The following KAT6B variants were observed in gnomAD, a reference collection of about 807,000 sequenced individuals.
KAT6B encodes the protein lysine acetyltransferase 6B.
A neutral mutation model predicts 187.5 loss-of-function variants in KAT6B; 10 were observed. The observed-to-expected ratio is 0.05, with a 90% CI of 0.03 to 0.09. KAT6B has a LOEUF of 0.09. KAT6B is among the 10% of genes least tolerant of loss of function. KAT6B has a pLI of 1.00. For missense variants in KAT6B, 1,952 were observed against 2,558.9 expected (o/e 0.76, Z 5.12); for synonymous variants, 861 against 926.8 (o/e 0.93, Z 1.29).
chr10:74,834,413 G>A (rs1213717135), intron 1 of KAT6B, among the ~76,000 whole-genome samples: 1 of 152,136 alleles, frequency 6.6e-6, no homozygotes, highest in African/African-American at 2.4e-5. Flanking sequence ...GGCCAGGATG[G>A]TCTCAATCTC....
intron 3 of KAT6B, among the ~76,000 whole-genome samples, chr10:74,952,846 A>ATTTTT (rs34687036): frequency 1.9e-3 from 171 of 90,470 alleles, no homozygotes; most frequent in African/African-American, 4.9e-3. Flanking sequence ...TGCCTGGCTA[A>ATTTTT]TTTTTTTTTT....
intron 3 of KAT6B, among the ~76,000 whole-genome samples, chr10:74,917,984 CAT>C (rs1170223441): frequency 6.6e-6 from 1 of 152,138 alleles, no homozygotes; most frequent in African/African-American, 2.4e-5. Flanking sequence ...AATATATCCT[CAT>C]ATTTGTAGGG....
chr10:74,899,317 C>T (rs1200822934), intron 3 of KAT6B, among the ~76,000 whole-genome samples: 1 of 149,196 alleles, frequency 6.7e-6, no homozygotes, highest in Admixed American at 6.7e-5. Context: ...TCTTGTCAGT[C>T]AGGCTAGAAT....
intron 3 of KAT6B, among the ~76,000 whole-genome samples, chr10:74,847,154 C>T (rs1179228759): frequency 2.6e-5 from 4 of 152,114 alleles, no homozygotes; most frequent in Non-Finnish European, 5.9e-5. Context: ...GCTTAGCAGG[C>T]AATTGTTACT....
chr10:74,862,121 G>T (rs1483354820), intron 3 of KAT6B, among the ~76,000 whole-genome samples: 3 of 152,180 alleles, frequency 2.0e-5, no homozygotes, highest in Non-Finnish European at 4.4e-5. Flanking sequence ...CTTGGAGTTT[G>T]TCCTTCAGAA....
chr10:74,928,237 T>C (rs1261523687), intron 3 of KAT6B, among the ~76,000 whole-genome samples: 1 of 152,224 alleles, frequency 6.6e-6, no homozygotes, highest in Non-Finnish European at 1.5e-5. Context: ...TTTTTCTTTC[T>C]CTGGTTAAAA....
chr10:74,978,963 C>T (rs1025876597), intron 9 of KAT6B, among the ~76,000 whole-genome samples: 7 of 152,060 alleles, frequency 4.6e-5, no homozygotes, highest in Admixed American at 1.3e-4. Context: ...TTAGGGTATT[C>T]GTTTGCTGTG....
At chr10:74,978,638 C>T (rs549522102) in intron 9 of KAT6B, among the ~76,000 whole-genome samples, 6 of 152,272 alleles carry the variant, frequency 3.9e-5, no homozygotes, top group Admixed American at 2.6e-4. Flanking sequence ...CTGTACCAGA[C>T]ACCAGGGATA....
intron 3 of KAT6B, among the ~76,000 whole-genome samples, chr10:74,873,305 G>GAAAAAAAAAAAA (rs11310083): frequency 7.5e-6 from 1 of 133,038 alleles, no homozygotes. Flanking sequence ...TACAAAAAAT[G>GAAAAAAAAAAAA]AAAAAAAAAA....
In KAT6B at chr10:75,030,713, A is replaced by G. The variant is rs1846254881; in HGVS notation, c.5889A>G (p.Arg1963=). Residue 1963 remains arginine (R), a synonymous_variant, in exon 18 of 18, where the codon AGA becomes AGG. Coordinates refer to ENST00000287239, the MANE Select transcript of KAT6B (RefSeq NM_012330.4). This position sits in a 1 kb window ranked among gnomAD's most constrained non-coding sequence, Gnocchi z 4.8. ...QGPARTLTMQ[R]GMNMSVNLMP... ...CTGCACGGACTTTAACGATGCAAAG[A>G]GGCATGAACATGAGTGTGAACCTGA... 1.9e-6 allele frequency: 3 copies of G among 1,614,094 alleles called. No individual in the cohort carries two copies. Among genetic ancestry groups the G allele is most frequent in the Admixed American group, 1.7e-5 (1 of 60,010 alleles).
chr10:74,993,121 T>A (rs1843213320), intron 13 of KAT6B, among the ~76,000 whole-genome samples: 1 of 152,202 alleles, frequency 6.6e-6, no homozygotes, highest in African/African-American at 2.4e-5. Flanking sequence ...CAGTTCCTAC[T>A]TCAGAGCCTC....
chr10:75,023,996 T>C (rs905962687), intron 16 of KAT6B: 9 of 152,252 alleles, frequency 5.9e-5, no homozygotes, highest in African/African-American at 2.2e-4. Flanking sequence ...CAAATCTACC[T>C]GCTATTCCTC....
chr10:74,918,955 C>T (rs1017317906), intron 3 of KAT6B, among the ~76,000 whole-genome samples: 1 of 151,994 alleles, frequency 6.6e-6, no homozygotes, highest in Non-Finnish European at 1.5e-5. Flanking sequence ...TGGTGGCTCA[C>T]GCTTGTAATC....
At chr10:74,907,673 G>A (rs1846873959) in intron 3 of KAT6B, among the ~76,000 whole-genome samples, 1 of 152,044 alleles carries the variant, frequency 6.6e-6, no homozygotes, top group Admixed American at 6.6e-5. Context: ...GGGATTACAA[G>A]TGCCCACCAC....
chr10:74,849,588 C>T (rs911498381), intron 3 of KAT6B, among the ~76,000 whole-genome samples: 14 of 152,158 alleles, frequency 9.2e-5, no homozygotes, highest in African/African-American at 2.9e-4. Flanking sequence ...TGTGAGCCAC[C>T]GTGCCTGGCC....
rs182576668 is a variant in KAT6B, at chr10:74,957,990, A to G, written c.622-1980A>G. ...TTTTTAACTGGGGCTACAGAAATACATTTGCATAGCTACCTCAGAACGTAA... is the reference window on the plus strand; with the variant it reads ...TTTTTAACTGGGGCTACAGAAATACGTTTGCATAGCTACCTCAGAACGTAA... On this transcript the variant is annotated intron_variant, in intron 3 of 17. Coordinates refer to ENST00000287239, the MANE Select transcript of KAT6B (RefSeq NM_012330.4). Among the ~76,000 whole-genome samples, 26 of 152,372 alleles carry G rather than the reference A, an allele frequency of 1.7e-4. 1 individual carries two copies. Among genetic ancestry groups the G allele is most frequent in the Non-Finnish European group, 5.9e-5 (4 of 68,036 alleles).
In KAT6B at chr10:75,029,077, C is replaced by T; in HGVS notation, c.4253C>T (p.Pro1418Leu). 6.2e-7 allele frequency: 1 copy of T among 1,614,118 alleles called. No homozygotes were observed. The highest frequency in any genetic ancestry group is 8.5e-7 in the Non-Finnish European group (1 of 1,180,018). The stretch of plus-strand genomic sequence containing the variant: ...GAGGAGGAGGAAGAGGATGAAGAGC[C>T]ATCCCACAACGAGGACCATGATGCC... The part of the protein sequence containing the change: ...HEEEEEEDEE[P>L]SHNEDHDADD... Residue 1418 changes from proline to leucine, a missense_variant, in exon 18 of 18, where the codon CCA becomes CTA. By Grantham distance (98) the Pro-to-Leu change is moderately conservative (BLOSUM62 -3). This residue lies in a region of KAT6B where 758 missense variants were observed against 891.4 expected (regional missense o/e 0.85). Coordinates refer to ENST00000287239, the MANE Select transcript of KAT6B (RefSeq NM_012330.4). The surrounding 1 kb of genome is among the most constrained non-coding windows in gnomAD (Gnocchi z 6.2).
At chr10:74,914,272 T>C (rs1246930741) in intron 3 of KAT6B, among the ~76,000 whole-genome samples, 1 of 152,224 alleles carries the variant, frequency 6.6e-6, no homozygotes, top group African/African-American at 2.4e-5. Context: ...TGTGCTTTTC[T>C]GTTTCAAAGT....
intron 8 of KAT6B, chr10:74,976,668 T>C (rs1457353134): frequency 1.0e-5 from 4 of 386,784 alleles, no homozygotes; most frequent in Non-Finnish European, 1.5e-5. Flanking sequence ...CTCTCCCCCA[T>C]GTCACCTCTG....
Sources: allele counts gnomAD v4.1 joint callset (sites outside exome capture counted in the v4.1 genomes callset), GRCh38; gene constraint gnomAD v4.1.1; regional missense constraint gnomAD v4.1.1; non-coding constraint Gnocchi (gnomAD v3.1); transcripts MANE v1.5; gene names NCBI Gene and HGNC (gene_info 2026-07-23, HGNC 2026-07-21).